The following GALNTL6 variants were observed in gnomAD, a reference collection of about 807,000 sequenced individuals.
GALNTL6 encodes the protein polypeptide N-acetylgalactosaminyltransferase like 6.
GALNTL6 carries 46 observed loss-of-function variants against 73.7 expected under a neutral mutation model. The observed-to-expected ratio is 0.62, with a 90% CI of 0.49 to 0.80. GALNTL6 has a LOEUF of 0.80. GALNTL6 is among the 30% of genes least tolerant of loss of function. GALNTL6 has a pLI of 0.00. For synonymous variants in GALNTL6, 259 were observed against 263.7 expected (o/e 0.98, Z 0.17); for missense variants, 604 against 755.0 (o/e 0.80, Z 2.34).
chr4:172,913,710 T>A (rs1747343611), intron 8 of GALNTL6, among the ~76,000 whole-genome samples: 1 of 152,000 alleles, frequency 6.6e-6, no homozygotes, highest in African/African-American at 2.4e-5. Context: ...TGAAAAGAAA[T>A]GAACAAAGCC....
chr4:172,141,095 C>T (rs940176184), intron 2 of GALNTL6, among the ~76,000 whole-genome samples: 1 of 151,714 alleles, frequency 6.6e-6, no homozygotes. Context: ...TTTAGGGAAC[C>T]AAAGAAAAAT....
At chr4:172,829,804 G>T (rs187484287) in intron 7 of GALNTL6, among the ~76,000 whole-genome samples, 9 of 152,220 alleles carry the variant, frequency 5.9e-5, no homozygotes, top group African/African-American at 2.2e-4. Flanking sequence ...ATTCATCTTG[G>T]TCTGATGAAT....
intron 5 of GALNTL6, among the ~76,000 whole-genome samples, chr4:172,586,923 C>T (rs750947686): frequency 5.3e-5 from 8 of 152,164 alleles, no homozygotes; most frequent in Non-Finnish European, 1.2e-4. Flanking sequence ...ATTTGGAAAA[C>T]AGACTTCACA....
At chr4:172,125,221 A>G (rs779300063) in intron 2 of GALNTL6, among the ~76,000 whole-genome samples, 10 of 152,152 alleles carry the variant, frequency 6.6e-5, no homozygotes, top group African/African-American at 1.4e-4. Context: ...CAAGAGGAAA[A>G]ATCTACCTCA....
chr4:172,067,765 T>C (rs1468718521), intron 2 of GALNTL6, among the ~76,000 whole-genome samples: 1 of 110,654 alleles, frequency 9.0e-6, no homozygotes, highest in East Asian at 2.1e-4. Flanking sequence ...GAGATTTTAT[T>C]ACCTGCAAGT....
intron 8 of GALNTL6, among the ~76,000 whole-genome samples, chr4:172,891,012 CTTTTT>C (rs1165535476): frequency 6.6e-6 from 1 of 151,894 alleles, no homozygotes; most frequent in Non-Finnish European, 1.5e-5. Flanking sequence ...GACCTCTGCT[CTTTTT>C]TGTTTACCAT....
intron 8 of GALNTL6, among the ~76,000 whole-genome samples, chr4:172,922,617 C>A (rs1298769601): frequency 6.6e-6 from 1 of 152,108 alleles, no homozygotes; most frequent in Admixed American, 6.5e-5. Context: ...AGTAAGGGGG[C>A]CCTGAGGTTG....
At chr4:172,622,005 C>A (rs1031841817) in intron 5 of GALNTL6, among the ~76,000 whole-genome samples, 6 of 152,126 alleles carry the variant, frequency 3.9e-5, no homozygotes, top group African/African-American at 1.4e-4. Context: ...TGCTGCCCAA[C>A]GTCAAGCTCT....
chr4:172,981,716 T>G (rs775894740), intron 10 of GALNTL6, among the ~76,000 whole-genome samples: 2 of 152,046 alleles, frequency 1.3e-5, no homozygotes, highest in Admixed American at 1.3e-4. Flanking sequence ...AAGGATAAAT[T>G]TTTATATTTC....
chr4:172,109,158 T>A (rs1425231682), intron 2 of GALNTL6, among the ~76,000 whole-genome samples: 1 of 152,008 alleles, frequency 6.6e-6, no homozygotes, highest in Non-Finnish European at 1.5e-5. Flanking sequence ...ATTCACTGAA[T>A]CAATCAATGA....
Position 172,821,846 on chromosome 4 carries a change from T to C in GALNTL6, c.923+8123T>C, listed in dbSNP as rs191567259. Reference sequence around the variant, plus strand: ...AAGATTTTTTAAATGTAAAGTAAAATAGTATAACATGGGCAGAGATGTTCC... The same window carrying C: ...AAGATTTTTTAAATGTAAAGTAAAACAGTATAACATGGGCAGAGATGTTCC... On this transcript the variant is annotated intron_variant, in intron 7 of 12. Coordinates refer to ENST00000506823, the MANE Select transcript of GALNTL6 (RefSeq NM_001034845.3). Among the ~76,000 whole-genome samples, 3 of 152,212 alleles carry C rather than the reference T, an allele frequency of 2.0e-5. No individual in the cohort carries two copies. In the East Asian group the frequency reaches 5.8e-4, roughly 29 times the overall value.
At chr4:171,841,163 C>T (rs1735229707) in intron 2 of GALNTL6, among the ~76,000 whole-genome samples, 1 of 152,118 alleles carries the variant, frequency 6.6e-6, no homozygotes. Context: ...TATCTTTCCA[C>T]TTCAAATACT....
intron 7 of GALNTL6, among the ~76,000 whole-genome samples, chr4:172,877,466 A>C (rs894454286): frequency 2.8e-4 from 42 of 152,094 alleles, no homozygotes; most frequent in Admixed American, 6.5e-5. Context: ...ACACATTTTG[A>C]AAAATGCATT....
intron 9 of GALNTL6, among the ~76,000 whole-genome samples, chr4:172,947,582 A>AT (rs10708506): frequency 4.0e-4 from 59 of 147,318 alleles, no homozygotes; most frequent in African/African-American, 9.7e-4. Flanking sequence ...CCCTTGATAA[A>AT]TTTTTTTTTT....
chr4:172,304,701 A>G (rs1740064486), intron 3 of GALNTL6, among the ~76,000 whole-genome samples: 1 of 152,168 alleles, frequency 6.6e-6, no homozygotes, highest in Admixed American at 6.5e-5. Flanking sequence ...ACATAAACCT[A>G]CTTTATCTCT....
At chr4:173,010,589 TTTTTG>T (rs1003499760) in intron 11 of GALNTL6, among the ~76,000 whole-genome samples, 14 of 151,906 alleles carry the variant, frequency 9.2e-5, no homozygotes, top group African/African-American at 3.4e-4. Context: ...TTTGTTGTTT[TTTTTG>T]TTTTGTTTTG....
intron 2 of GALNTL6, among the ~76,000 whole-genome samples, chr4:172,078,282 T>C (rs1731770296): frequency 6.6e-6 from 1 of 152,144 alleles, no homozygotes; most frequent in Admixed American, 6.5e-5. Flanking sequence ...GGCTTAAAAG[T>C]GTACGGCACA....
At chr4:172,235,987 C>G (rs1737227736) in intron 3 of GALNTL6, among the ~76,000 whole-genome samples, 1 of 152,156 alleles carries the variant, frequency 6.6e-6, no homozygotes, top group African/African-American at 2.4e-5. Flanking sequence ...GACATTATTT[C>G]ATTCATTTTT....
At chr4:172,378,894 A>G (rs1388764817) in intron 5 of GALNTL6, among the ~76,000 whole-genome samples, 2 of 152,188 alleles carry the variant, frequency 1.3e-5, no homozygotes, top group East Asian at 3.8e-4. Flanking sequence ...TTTATGTTCA[A>G]GATTTTATGT....
Sources: gnomAD v4.1 joint callset for allele counts (sites outside exome capture counted in the v4.1 genomes callset) on GRCh38, gnomAD v4.1.1 for gene constraint, MANE v1.5 for transcripts, NCBI Gene and HGNC (gene_info 2026-07-23, HGNC 2026-07-21) for gene names.